The following MPDZ variants were observed in gnomAD, a reference collection of about 807,000 sequenced individuals.
MPDZ encodes the protein multiple PDZ domain protein.
A neutral mutation model predicts 239.1 loss-of-function variants in MPDZ; 234 were observed. The ratio of observed to expected loss-of-function variants is 0.98; its 90% CI spans 0.88 to 1.09. The LOEUF is 1.09. Ranked by LOEUF, MPDZ falls within the 50% of genes least tolerant of loss-of-function variation. The pLI, the probability that MPDZ is intolerant of heterozygous loss-of-function variation, is 0.00. For synonymous variants in MPDZ, 1,048 were observed against 881.3 expected (o/e 1.19, Z -3.35); for missense variants, 3,175 against 2,510.0 (o/e 1.26, Z -5.66).
At position 13,247,855 on chromosome 9, in the gene MPDZ, G is replaced by A. The variant is rs1966849805; in HGVS notation, c.17-54C>T. 1.8e-5 allele frequency: 26 copies of A among 1,466,544 alleles called. No homozygotes were observed. The South Asian group carries it at 3.0e-4, about 17-fold the overall frequency. 90.8% of individuals were successfully genotyped at this position (1,466,544 alleles called of 1,614,324 possible). ...ACAGGATTCAAAGGACACATGTCCA[G>A]CCTAAGAGGACTCCATCTTGTAGAA... On this transcript the variant is annotated intron_variant, in intron 2 of 46. Coordinates refer to ENST00000319217, the MANE Select transcript of MPDZ (RefSeq NM_001378778.1).
chr9:13,174,387 G>A (rs1952189222), intron 21 of MPDZ, among the ~76,000 whole-genome samples: 1 of 152,232 alleles, frequency 6.6e-6, no homozygotes, highest in Non-Finnish European at 1.5e-5. Flanking sequence ...AAATACACTA[G>A]AATAATAGTT....
intron 15 of MPDZ, among the ~76,000 whole-genome samples, chr9:13,190,557 T>C (rs751215308): frequency 2.7e-4 from 41 of 152,272 alleles, no homozygotes; most frequent in Non-Finnish European, 5.0e-4. Context: ...AATGGTTATA[T>C]CTCGACAGCA....
At chr9:13,193,378 A>G (rs1955213431) in intron 13 of MPDZ, 65 bp from the exon 14 acceptor site, 2 of 1,468,682 alleles carry the variant, frequency 1.4e-6, no homozygotes, top group Admixed American at 2.1e-5. Context: ...TCATGCACAC[A>G]TTTTATGTTT....
chr9:13,205,782 A>G, intron 11 of MPDZ, 134 bp downstream of exon 11: 2 of 774,696 alleles, frequency 2.6e-6, no homozygotes, highest in Non-Finnish European at 3.9e-6. Flanking sequence ...GCCTTGGTTT[A>G]TAATGAATAG....
intron 32 of MPDZ, among the ~76,000 whole-genome samples, chr9:13,128,423 C>T (rs1587013618): frequency 6.6e-6 from 1 of 152,200 alleles, no homozygotes; most frequent in South Asian, 2.1e-4. Flanking sequence ...GGTAAATCAT[C>T]TTGGAAGCAA....
Position 13,188,900 on chromosome 9 carries a change from G to C in MPDZ, c.2248C>G (p.Arg750Gly), listed in dbSNP as rs752219824. Reference protein sequence around the residue: ...EKDGRLLPGDRLMFVNDVNLE... With the variant: ...EKDGRLLPGDGLMFVNDVNLE... ...TTAACATCGTTTACAAACATGAGTC[G>C]GTCACCAGGAAGAAGTCGTCCATCC... Residue 750 changes from arginine (R) to glycine (G), a missense_variant, in exon 17 of 47, where the codon CGA (arginine) becomes GGA (glycine). Arg to Gly is a moderately radical substitution (Grantham distance 125). Transcript: ENST00000319217. The C allele has an allele frequency of 6.2e-7, 1 of 1,613,436 alleles. No individual in the cohort carries two copies. The highest frequency in any genetic ancestry group is 2.2e-5 in the East Asian group (1 of 44,838).
chr9:13,118,222 T>C (rs139866898), intron 39 of MPDZ, among the ~76,000 whole-genome samples: 2 of 152,326 alleles, frequency 1.3e-5, no homozygotes, highest in African/African-American at 4.8e-5. Flanking sequence ...TTCTTTAGGA[T>C]ATATAATTCT....
At position 13,127,096 on chromosome 9, in the gene MPDZ, T is replaced by G. The variant is rs572158949; in HGVS notation, c.4465-324A>C. Reference sequence around the variant, plus strand: ...ACCAAAACATTCAGCATTTACAAATTTTGTCTAATGACTGAATAAGTCATT... The same window carrying G: ...ACCAAAACATTCAGCATTTACAAATGTTGTCTAATGACTGAATAAGTCATT... On this transcript the variant is annotated intron_variant, in intron 32 of 46. Coordinates refer to ENST00000319217, the MANE Select transcript of MPDZ (RefSeq NM_001378778.1). Among the ~76,000 whole-genome samples, 3 of 152,322 alleles carry G rather than the reference T, an allele frequency of 2.0e-5. No homozygotes were observed. The East Asian group carries it at 5.8e-4, about 29-fold the overall frequency.
Position 13,106,782 on chromosome 9 carries a change from A to G in MPDZ, c.*183T>C, listed in dbSNP as rs1015868326. On this transcript the variant is annotated 3_prime_UTR_variant, in exon 47 of 47. Coordinates refer to ENST00000319217, the MANE Select transcript of MPDZ (RefSeq NM_001378778.1). ...TCACAAAATGCAAGAAGAAAAGAAA[A>G]ATGATGTTAGGTTGTCAGTAAGGAA... 5 of 592,464 alleles carry G rather than the reference A, an allele frequency of 8.4e-6. No homozygotes were observed. The South Asian group carries it at 1.4e-4, about 17-fold the overall frequency. The allele number at this position is 592,464 out of a possible 1,614,324, so 36.7% of individuals were successfully genotyped here. A position where few individuals can be genotyped will look rare whatever the true frequency, so the allele number is the denominator to read the frequency against.
intron 42 of MPDZ, among the ~76,000 whole-genome samples, chr9:13,112,490 T>G (rs1942663596): frequency 6.6e-6 from 1 of 152,194 alleles, no homozygotes; most frequent in Admixed American, 6.5e-5. Context: ...TGCTGGAACT[T>G]GGAATAAGTC....
chr9:13,169,847 G>C (rs999683335), intron 21 of MPDZ, among the ~76,000 whole-genome samples: 4 of 152,012 alleles, frequency 2.6e-5, no homozygotes, highest in Non-Finnish European at 4.4e-5. Flanking sequence ...AATGCATCTC[G>C]TCTCTGTCCG....
At chr9:13,254,617 AG>A (rs1968969210) in intron 1 of MPDZ, among the ~76,000 whole-genome samples, 1 of 152,228 alleles carries the variant, frequency 6.6e-6, no homozygotes. Context: ...TTGCAGGATC[AG>A]TTCCAGACCA....
chr9:13,122,436 T>G (rs146501462), intron 36 of MPDZ, among the ~76,000 whole-genome samples: 1,572 of 151,414 alleles, frequency 0.01, 37 homozygotes, highest in African/African-American at 0.036. Context: ...AGATGAGAGA[T>G]AACTTTCTTA....
intron 3 of MPDZ, among the ~76,000 whole-genome samples, chr9:13,233,615 C>A (rs975838894): frequency 6.6e-6 from 1 of 152,076 alleles, no homozygotes; most frequent in African/African-American, 2.4e-5. Context: ...TCCTTGGGCA[C>A]ACTTTTTCCC....
Position 13,115,280 on chromosome 9 carries a change from G to A in MPDZ, c.5434C>T (p.His1812Tyr), listed in dbSNP as rs779639956. The change falls in exon 40 of 47, where the codon CAT becomes TAT. Residue 1812 changes from histidine to tyrosine, a missense_variant. Coordinates refer to ENST00000319217, the MANE Select transcript of MPDZ (RefSeq NM_001378778.1). ...EVGRIKAGPF[H>Y]SERRPSQSSQ... ...CTTTGAGATGGCCTCCTCTCTGAATGGAATGGACCAGCTTTGATTCTTCCA... is the reference window on the plus strand; with the variant it reads ...CTTTGAGATGGCCTCCTCTCTGAATAGAATGGACCAGCTTTGATTCTTCCA... The A allele has an allele frequency of 4.0e-5, 65 of 1,612,552 alleles. No homozygotes were observed. Among genetic ancestry groups the A allele is most frequent in the Non-Finnish European group, 5.2e-5 (61 of 1,179,856 alleles).
Position 13,219,715 on chromosome 9 carries a change from T to A in MPDZ, c.930A>T (p.Leu310=). The change falls in exon 8 of 47, where the codon CTA becomes CTT. Residue 310 remains leucine, a synonymous_variant. Coordinates refer to ENST00000319217, the MANE Select transcript of MPDZ (RefSeq NM_001378778.1). ...DHILKIGDTD[L]AGMSSEQVAQ... ...CTACTTGCTCACTGCTCATTCCTGCTAGATCTGTGTCACCAATCTTTAGAA... is the reference window on the plus strand; with the variant it reads ...CTACTTGCTCACTGCTCATTCCTGCAAGATCTGTGTCACCAATCTTTAGAA... The A allele has an allele frequency of 6.2e-7, 1 of 1,612,770 alleles. No individual in the cohort carries two copies. The highest frequency in any genetic ancestry group is 1.7e-4 in the Middle Eastern group (1 of 6,052).
intron 10 of MPDZ, among the ~76,000 whole-genome samples, chr9:13,215,732 A>G (rs1458326858): frequency 6.7e-6 from 1 of 150,126 alleles, no homozygotes; most frequent in Non-Finnish European, 1.5e-5. Context: ...TAAAACAGAT[A>G]AACAGGTTTC....
chr9:13,133,720 G>A, intron 32 of MPDZ, 104 bp downstream of exon 32: 3 of 722,494 alleles, frequency 4.2e-6, no homozygotes, highest in Non-Finnish European at 6.9e-6. Context: ...CTCAGATGAT[G>A]CTGATGCTGT....
rs150393677 is a variant in MPDZ, at chr9:13,107,093, C to T, written c.6085G>A (p.Gly2029Arg). The T allele has an allele frequency of 9.6e-4, 1,513 of 1,577,072 alleles. 5 individuals are homozygous for T. The highest frequency in any genetic ancestry group is 3.6e-3 in the Admixed American group (212 of 59,540). Residue 2029 changes from glycine (G) to arginine (R), a missense_variant, in exon 47 of 47, where the codon GGA (glycine) becomes AGA (arginine). Coordinates refer to ENST00000319217, the MANE Select transcript of MPDZ (RefSeq NM_001378778.1). Reference sequence around the variant, plus strand: ...ATCTGATCGCCCCTTTTCAGACGTCCGTCTTCAGAGGCTGCTCCCTGCAAA... The same window carrying T: ...ATCTGATCGCCCCTTTTCAGACGTCTGTCTTCAGAGGCTGCTCCCTGCAAA... ...VFAKGAASED[G>R]RLKRGDQIIA... is the part of the protein sequence containing the mutation.
Sources: allele counts gnomAD v4.1 joint callset (sites outside exome capture counted in the v4.1 genomes callset), GRCh38; gene constraint gnomAD v4.1.1; transcripts MANE v1.5; gene names NCBI Gene and HGNC (gene_info 2026-07-23, HGNC 2026-07-21).